RRAGD: variants seen among roughly 807,000 people sequenced by gnomAD.
RRAGD encodes the protein ras-related GTP-binding protein D.
RRAGD carries 12 observed loss-of-function variants against 35.5 expected under a neutral mutation model. The observed-to-expected ratio is 0.34, with a 90% CI of 0.22 to 0.55. The LOEUF (loss-of-function observed/expected upper bound fraction) is 0.55, where lower values mean the gene tolerates loss of function less well. Ranked by LOEUF, RRAGD falls within the 20% of genes least tolerant of loss-of-function variation. RRAGD has a pLI of 0.91. For missense variants in RRAGD, 324 were observed against 490.1 expected, an observed-to-expected ratio of 0.66 and a Z score of 3.20; for synonymous variants, 155 against 178.9, an observed-to-expected ratio of 0.87 and a Z score of 1.07.
chr6:89,396,489 A>T (rs1562461223), intron 1 of RRAGD, among the ~76,000 whole-genome samples: 1 of 151,796 alleles, frequency 6.6e-6, no homozygotes, highest in Non-Finnish European at 1.5e-5. Flanking sequence ...GCAGTGGCGC[A>T]ATCAGAGCTC....
intron 6 of RRAGD, among the ~76,000 whole-genome samples, chr6:89,368,771 C>A (rs958979509): frequency 2.6e-5 from 4 of 152,198 alleles, no homozygotes; most frequent in African/African-American, 9.6e-5. Context: ...CAATGACACT[C>A]AGCTTTTCAG....
At position 89,405,353 on chromosome 6, in the gene RRAGD, CAA is replaced by C. The variant is rs56252416; in HGVS notation, c.148+6491_148+6492del. Among the ~76,000 whole-genome samples the C allele has an allele frequency of 6.7e-3, 352 of 52,176 alleles. 1 individual carries two copies. Among genetic ancestry groups the C allele is most frequent in the African/African-American group, 0.025 (324 of 13,194 alleles). 34.2% of individuals were successfully genotyped at this position (52,176 alleles called of 152,430 possible). A position where few individuals can be genotyped will look rare whatever the true frequency, so the allele number is the denominator to read the frequency against. ...TGGGTGACAGAGCAAGACTCCGTCT[CAA>C]AAAAAAAAAAAAAAAAAAAAGAGAT... On this transcript the variant is annotated intron_variant, in intron 1 of 6. Transcript: ENST00000369415.
intron 1 of RRAGD, among the ~76,000 whole-genome samples, chr6:89,395,428 T>C (rs543331307): frequency 2.0e-5 from 3 of 152,238 alleles, no homozygotes; most frequent in East Asian, 1.9e-4. Context: ...CTTAAATCGA[T>C]AGAACTATAA....
At chr6:89,400,316 G>A (rs893273388) in intron 1 of RRAGD, among the ~76,000 whole-genome samples, 4 of 152,072 alleles carry the variant, frequency 2.6e-5, no homozygotes, top group Non-Finnish European at 2.9e-5. Context: ...GTAAAATTAC[G>A]GCTTGGTGAA....
At chr6:89,398,902 T>G (rs1769394399) in intron 1 of RRAGD, among the ~76,000 whole-genome samples, 1 of 152,214 alleles carries the variant, frequency 6.6e-6, no homozygotes, top group Admixed American at 6.5e-5. Flanking sequence ...ATCTCATGAT[T>G]TAAAGTTTAC....
intron 5 of RRAGD, among the ~76,000 whole-genome samples, chr6:89,375,473 G>A (rs949326054): frequency 7.8e-5 from 11 of 140,550 alleles, no homozygotes; most frequent in Admixed American, 1.5e-4. Flanking sequence ...ATATATGTGC[G>A]TGTGCATGTG....
intron 1 of RRAGD, among the ~76,000 whole-genome samples, chr6:89,399,161 C>G (rs542490113): frequency 6.6e-6 from 1 of 152,314 alleles, no homozygotes; most frequent in Admixed American, 6.5e-5. Flanking sequence ...TGATCATCCA[C>G]GCTGATGACC....
rs1197806658 is a variant in RRAGD at position 89,411,701 on chromosome 6, T to C, written c.148+145A>G. Reference sequence around the variant, plus strand: ...GCAGCTCGAGGTCGGGCTTTTGGCGTCCCTCCCCACCCCAAACCCTCAACT... The same window carrying C: ...GCAGCTCGAGGTCGGGCTTTTGGCGCCCCTCCCCACCCCAAACCCTCAACT... On this transcript the variant is annotated intron_variant, in intron 1 of 6. Transcript: ENST00000369415. The surrounding 1 kb of genome is among the most constrained non-coding windows in gnomAD (Gnocchi z 5.6). 4 of 894,934 alleles carry C rather than the reference T, an allele frequency of 4.5e-6. No homozygotes were observed. The highest frequency in any genetic ancestry group is 6.0e-5 in the Admixed American group (2 of 33,364). 55.4% of individuals were successfully genotyped at this position (894,934 alleles called of 1,614,324 possible).
intron 1 of RRAGD, among the ~76,000 whole-genome samples, chr6:89,398,157 GA>G (rs201403722): frequency 1.3e-5 from 2 of 151,340 alleles, no homozygotes; most frequent in African/African-American, 2.4e-5. Context: ...AAAAAAAAAA[GA>G]AAAAAAGAAA....
chr6:89,382,892 A>T (rs1332075453), intron 2 of RRAGD, among the ~76,000 whole-genome samples: 2 of 152,202 alleles, frequency 1.3e-5, no homozygotes, highest in African/African-American at 2.4e-5. Context: ...AATAAAAAAA[A>T]AAATTAAATT....
intron 2 of RRAGD, among the ~76,000 whole-genome samples, chr6:89,384,010 G>A (rs1328182737): frequency 6.6e-6 from 1 of 151,542 alleles, no homozygotes; most frequent in Non-Finnish European, 1.5e-5. Context: ...GGCTGAGGGA[G>A]GAGAATCACT....
chr6:89,398,565 C>T (rs1353387964), intron 1 of RRAGD, among the ~76,000 whole-genome samples: 4 of 152,204 alleles, frequency 2.6e-5, no homozygotes, highest in African/African-American at 9.7e-5. Flanking sequence ...CAGGCAGGAG[C>T]TCCTCCAGAA....
chr6:89,405,091 C>CCAA (rs1769550634), intron 1 of RRAGD, among the ~76,000 whole-genome samples: 1 of 152,142 alleles, frequency 6.6e-6, no homozygotes, highest in Non-Finnish European at 1.5e-5. Flanking sequence ...TGGCTCACAC[C>CCAA]TGTAATCCCA....
chr6:89,405,824 T>C (rs992104518), intron 1 of RRAGD, among the ~76,000 whole-genome samples: 3 of 152,204 alleles, frequency 2.0e-5, no homozygotes, highest in African/African-American at 7.2e-5. Context: ...GTGGCTCCTT[T>C]AAATTTCTGA....
At position 89,411,629 on chromosome 6, in the gene RRAGD, C is replaced by A; in HGVS notation, c.148+217G>T. 1 of 574,688 alleles carries A rather than the reference C, an allele frequency of 1.7e-6. No homozygotes were observed. The highest frequency in any genetic ancestry group is 3.0e-6 in the Non-Finnish European group (1 of 328,212). The allele number at this position is 574,688 out of a possible 1,614,324, so 35.6% of individuals were successfully genotyped here. On this transcript the variant is annotated intron_variant, in intron 1 of 6. Coordinates refer to ENST00000369415, the MANE Select transcript of RRAGD (RefSeq NM_021244.5). The surrounding 1 kb of genome is among the most constrained non-coding windows in gnomAD (Gnocchi z 5.6). ...CTTACTCCCTCCTTCCCCTTTTCCA[C>A]CGATCCTGGTTGCCCCTCCGCCACC...
At chr6:89,380,453 C>T (rs941609645) in intron 2 of RRAGD, 86 bp from the exon 3 acceptor site, 22 of 1,118,638 alleles carry the variant, frequency 2.0e-5, no homozygotes, top group Non-Finnish European at 2.7e-5. Context: ...AACCATGTGG[C>T]TGCAACCCCC....
intron 2 of RRAGD, among the ~76,000 whole-genome samples, chr6:89,384,635 T>C (rs944347284): frequency 6.6e-6 from 1 of 151,964 alleles, no homozygotes; most frequent in Non-Finnish European, 1.5e-5. Flanking sequence ...GCTAACATGG[T>C]GAAACCCCAT....
At chr6:89,393,524 C>A (rs527721251) in intron 1 of RRAGD, among the ~76,000 whole-genome samples, 79 of 152,262 alleles carry the variant, frequency 5.2e-4, no homozygotes, top group African/African-American at 1.9e-3. Context: ...AGGCAGTGCC[C>A]CCAGTGCTAG....
In RRAGD at chr6:89,412,200, C is replaced by T. The variant is rs1353821083; in HGVS notation, c.-207G>A. 3.1e-6 allele frequency: 1 copy of T among 319,006 alleles called. No individual in the cohort carries two copies. The allele number at this position is 319,006 out of a possible 1,614,324, so 19.8% of individuals were successfully genotyped here. A position where few individuals can be genotyped will look rare whatever the true frequency, so the allele number is the denominator to read the frequency against. Reference sequence around the variant, plus strand: ...CCCAGCGCGCCCGAAGCCCCCTCCCCCGCCCCGCCCGCCGGCGGAGGAGTC... The same window carrying T: ...CCCAGCGCGCCCGAAGCCCCCTCCCTCGCCCCGCCCGCCGGCGGAGGAGTC... On this transcript the variant is annotated 5_prime_UTR_variant, in exon 1 of 7. Transcript: ENST00000369415. This position sits in a 1 kb window ranked among gnomAD's most constrained non-coding sequence, Gnocchi z 4.2.
Sources: gnomAD v4.1 joint callset for allele counts (sites outside exome capture counted in the v4.1 genomes callset) on GRCh38, gnomAD v4.1.1 for gene constraint, Gnocchi (gnomAD v3.1) non-coding constraint, MANE v1.5 for transcripts, NCBI Gene and HGNC (gene_info 2026-07-23, HGNC 2026-07-21) for gene names.